The following LONRF3 variants were observed in gnomAD, a reference collection of about 807,000 sequenced individuals.
LONRF3 encodes LON peptidase N-terminal domain and RING finger protein 3.
A neutral mutation model predicts 51.7 loss-of-function variants in LONRF3; 19 were observed. That is an observed-to-expected ratio of 0.37 (90% CI 0.26 to 0.54). The LOEUF (loss-of-function observed/expected upper bound fraction) is 0.54. Among genes scored for constraint, LONRF3 ranks in the 20% least tolerant of loss-of-function variants. LONRF3 has a pLI of 0.86. For synonymous variants in LONRF3, 265 were observed against 257.8 expected, an observed-to-expected ratio of 1.03 and a Z score of -0.27; for missense variants, 521 against 623.9, an observed-to-expected ratio of 0.84 and a Z score of 1.76.
intron 1 of LONRF3, among the ~76,000 whole-genome samples, chrX:118,977,397 G>C (rs1018031517): frequency 8.9e-6 from 1 of 112,176 alleles, no homozygotes; most frequent in Non-Finnish European, 1.9e-5. Flanking sequence ...TTGCATCTTT[G>C]TTAATCCCCT....
intron 3 of LONRF3, among the ~76,000 whole-genome samples, chrX:118,984,882 T>C (rs1922840503): frequency 8.9e-6 from 1 of 112,055 alleles, no homozygotes; most frequent in Non-Finnish European, 1.9e-5. Context: ...TTGACAGAGA[T>C]GATGCAGGTT....
At chrX:118,992,561 C>T (rs897816828) in intron 5 of LONRF3, among the ~76,000 whole-genome samples, 2 of 110,662 alleles carry the variant, frequency 1.8e-5, no homozygotes, top group African/African-American at 6.6e-5. Context: ...AGCCCTGCCC[C>T]CACCCAATGG....
Position 118,982,809 on chromosome X carries a change from GT to G in LONRF3, c.937-9del. On this transcript the variant is annotated splice_polypyrimidine_tract_variant and intron_variant, in intron 2 of 10. Transcript: ENST00000371628. Reference sequence around the variant, plus strand: ...GAATAAAATGGGATTGAATGCTAATGTTTCCTTCCAGGCACATTTCAGAAAA... The same window carrying G: ...GAATAAAATGGGATTGAATGCTAATGTTCCTTCCAGGCACATTTCAGAAAA... The G allele has an allele frequency of 8.3e-7, 1 of 1,210,881 alleles. No homozygotes were observed. The highest frequency in any genetic ancestry group is 1.1e-6 in the Non-Finnish European group (1 of 894,860).
At chrX:118,985,128 G>A (rs1334162859) in intron 3 of LONRF3, among the ~76,000 whole-genome samples, 1 of 112,234 alleles carries the variant, frequency 8.9e-6, no homozygotes, top group Non-Finnish European at 1.9e-5. Flanking sequence ...GTAGTAAAAT[G>A]AAGAAGGGAA....
chrX:118,996,084 T>C (rs771194037), intron 5 of LONRF3, among the ~76,000 whole-genome samples: 3 of 112,438 alleles, frequency 2.7e-5, no homozygotes, highest in Non-Finnish European at 5.6e-5. Flanking sequence ...CTGATTTTGC[T>C]GAGAGTGTTA....
chrX:118,984,304 G>GACATGGCC (rs1474862720), intron 3 of LONRF3, among the ~76,000 whole-genome samples: 1 of 112,195 alleles, frequency 8.9e-6, no homozygotes, highest in African/African-American at 3.2e-5. Context: ...TTCCCATGAG[G>GACATGGCC]ACATGGCCAC....
At chrX:119,015,061 G>C (rs1412461208) in intron 10 of LONRF3, among the ~76,000 whole-genome samples, 1 of 111,841 alleles carries the variant, frequency 8.9e-6, no homozygotes, top group Non-Finnish European at 1.9e-5. Context: ...CTCCCTAGGA[G>C]AGTGGAGATG....
chrX:118,993,275 T>C (rs769522270), intron 5 of LONRF3, among the ~76,000 whole-genome samples: 1 of 111,415 alleles, frequency 9.0e-6, no homozygotes, highest in Non-Finnish European at 1.9e-5. Flanking sequence ...ATCCAAAAAC[T>C]GGCACAAGAA....
chrX:118,986,051 A>AACACACAC (rs35356301), intron 3 of LONRF3, among the ~76,000 whole-genome samples: 10 of 83,859 alleles, frequency 1.2e-4, no homozygotes, highest in Admixed American at 2.8e-4. Context: ...AGTATATGGA[A>AACACACAC]ACACACACAC....
intron 3 of LONRF3, among the ~76,000 whole-genome samples, chrX:118,987,718 C>T (rs975515847): frequency 2.0e-4 from 22 of 110,379 alleles, no homozygotes; most frequent in Admixed American, 1.8e-3. Context: ...TCCCTCCTTT[C>T]GAGCTTTTGT....
chrX:118,977,275 G>T (rs1238291509), intron 1 of LONRF3, among the ~76,000 whole-genome samples: 1 of 110,980 alleles, frequency 9.0e-6, no homozygotes, highest in Non-Finnish European at 1.9e-5. Context: ...CTTAACTCTA[G>T]ATCTCTAAGG....
chrX:119,003,343 G>A (rs748270416), intron 5 of LONRF3, among the ~76,000 whole-genome samples: 10 of 111,718 alleles, frequency 9.0e-5, no homozygotes, highest in Non-Finnish European at 1.5e-4. Context: ...TCTTATGAAC[G>A]TTTTATTGTT....
chrX:119,011,864 G>C lies in LONRF3; in HGVS notation c.1702G>C (p.Val568Leu). The C allele has an allele frequency of 8.3e-7, 1 of 1,211,321 alleles. No homozygotes were observed. Among genetic ancestry groups the C allele is most frequent in the Non-Finnish European group, 1.1e-6 (1 of 895,107 alleles). Residue 568 changes from valine (V) to leucine (L), a missense_variant, in exon 8 of 11, where the codon GTT becomes CTT. Physicochemically the swap from Val to Leu is conservative, Grantham distance 32. This residue lies in a region of LONRF3 where 145 missense variants were observed against 247.2 expected (regional missense o/e 0.59). Coordinates refer to ENST00000371628, the MANE Select transcript of LONRF3 (RefSeq NM_001031855.3). ...IFVCTMAYPT[V>L]PCPLHIFEPC... ...CGTGTGTACTATGGCCTATCCCACC[G>C]TTCCTTGTCCCCTGCACATCTTTGA...
At chrX:118,988,799 CTTT>C (rs67313203) in intron 3 of LONRF3, among the ~76,000 whole-genome samples, 2 of 91,303 alleles carry the variant, frequency 2.2e-5, no homozygotes. Context: ...GTGATTTTGT[CTTT>C]TTTTTTTTTT....
chrX:119,002,105 C>T (rs774982880), intron 5 of LONRF3, among the ~76,000 whole-genome samples: 1 of 112,443 alleles, frequency 8.9e-6, no homozygotes, highest in South Asian at 3.7e-4. Context: ...GTGAAATACA[C>T]ACAGTGGAAA....
intron 5 of LONRF3, 41 bp from the exon 6 acceptor site, chrX:119,006,080 T>C: frequency 1.2e-6 from 1 of 842,736 alleles, no homozygotes. Flanking sequence ...TTATTTTTGG[T>C]CTTATTGCAG....
chrX:119,015,033 C>G (rs1160861012), intron 10 of LONRF3, among the ~76,000 whole-genome samples: 14 of 111,775 alleles, frequency 1.3e-4, no homozygotes, highest in African/African-American at 4.5e-4. Flanking sequence ...TTTGAAAGAT[C>G]AAGCTGCAGA....
chrX:119,011,155 A>G (rs1925083915), intron 7 of LONRF3, among the ~76,000 whole-genome samples: 2 of 110,463 alleles, frequency 1.8e-5, no homozygotes, highest in South Asian at 3.9e-4. Flanking sequence ...TTGGGTCCCA[A>G]TTCCAGAGCT....
chrX:119,006,674 G>A (rs1478128697), intron 6 of LONRF3, among the ~76,000 whole-genome samples: 1 of 111,284 alleles, frequency 9.0e-6, no homozygotes, highest in Non-Finnish European at 1.9e-5. Context: ...TGCAAGCTCC[G>A]CCTCCCGGGT....
Sources: allele counts gnomAD v4.1 joint callset (sites outside exome capture counted in the v4.1 genomes callset), GRCh38; gene constraint gnomAD v4.1.1; regional missense constraint gnomAD v4.1.1; transcripts MANE v1.5; gene names NCBI Gene and HGNC (gene_info 2026-07-23, HGNC 2026-07-21).